The following MYO10 variants were observed in gnomAD, a reference collection of about 807,000 sequenced individuals.
MYO10 encodes myosin X, also known as unconventional myosin-X.
A neutral mutation model predicts 257.3 loss-of-function variants in MYO10; 133 were observed. The ratio of observed to expected loss-of-function variants is 0.52; its 90% confidence interval spans 0.45 to 0.60. The LOEUF is 0.60. Among genes scored for constraint, MYO10 ranks in the 20% least tolerant of loss-of-function variants. The probability of loss-of-function intolerance (pLI) is 0.00; values close to 1 mark genes in which losing one functional copy is unlikely to be tolerated. For missense variants in MYO10, 2,399 were observed against 2,635.7 expected (o/e 0.91, Z 1.97); for synonymous variants, 1,104 against 1,028.6 (o/e 1.07, Z -1.40).
chr5:16,869,733 C>T (rs1458707900), intron 2 of MYO10, among the ~76,000 whole-genome samples: 1 of 151,226 alleles, frequency 6.6e-6, no homozygotes, highest in Non-Finnish European at 1.5e-5. Flanking sequence ...GGCGTGCTGA[C>T]GCATGCCTCT....
intron 33 of MYO10, among the ~76,000 whole-genome samples, chr5:16,678,358 T>TC (rs1434657974): frequency 6.6e-6 from 1 of 152,034 alleles, no homozygotes; most frequent in Non-Finnish European, 1.5e-5. Flanking sequence ...GGTAGGCAGA[T>TC]CACCTGAGGT....
At chr5:16,919,710 T>C (rs13155144) in intron 1 of MYO10, among the ~76,000 whole-genome samples, 10,512 of 152,132 alleles carry the variant, frequency 0.069, 431 homozygotes, top group African/African-American at 0.11. Flanking sequence ...GGCGCAGTGG[T>C]TCACGCCTGT....
intron 2 of MYO10, among the ~76,000 whole-genome samples, chr5:16,866,732 A>C (rs1417148492): frequency 6.6e-6 from 1 of 152,236 alleles, no homozygotes. Context: ...TGTCCAGGCC[A>C]GCTGACTGAA....
chr5:16,803,145 G>T (rs572300026), intron 3 of MYO10, among the ~76,000 whole-genome samples: 7 of 151,810 alleles, frequency 4.6e-5, no homozygotes, highest in African/African-American at 1.7e-4. Flanking sequence ...TTAAAAAAAG[G>T]CCAGGCCTGA....
chr5:16,728,989 C>T (rs1328121670), intron 19 of MYO10, among the ~76,000 whole-genome samples: 1 of 152,124 alleles, frequency 6.6e-6, no homozygotes, highest in Non-Finnish European at 1.5e-5. Context: ...CTTTTAAGCA[C>T]AGCGTGGAAG....
At chr5:16,891,893 G>T (rs1289098866) in intron 1 of MYO10, among the ~76,000 whole-genome samples, 2 of 152,176 alleles carry the variant, frequency 1.3e-5, no homozygotes, top group African/African-American at 4.8e-5. Context: ...AAAACATCTA[G>T]AAAGCAGTTC....
intron 40 of MYO10, among the ~76,000 whole-genome samples, chr5:16,667,567 G>A (rs1736232812): frequency 6.6e-6 from 1 of 151,952 alleles, no homozygotes; most frequent in Non-Finnish European, 1.5e-5. Flanking sequence ...TGGGACCCTT[G>A]AGTCAAGGGC....
chr5:16,918,829 C>T (rs542261428), intron 1 of MYO10, among the ~76,000 whole-genome samples: 2 of 152,066 alleles, frequency 1.3e-5, no homozygotes, highest in Non-Finnish European at 2.9e-5. Flanking sequence ...AGCCCTCACT[C>T]GGAACAGGGA....
At chr5:16,722,506 G>A (rs923379804) in intron 19 of MYO10, among the ~76,000 whole-genome samples, 1 of 151,938 alleles carries the variant, frequency 6.6e-6, no homozygotes, top group Non-Finnish European at 1.5e-5. Flanking sequence ...AAATGAAAAC[G>A]TTTTTTTGCT....
chr5:16,876,834 C>T (rs112605859), intron 2 of MYO10, among the ~76,000 whole-genome samples: 7 of 152,224 alleles, frequency 4.6e-5, no homozygotes, highest in Admixed American at 1.3e-4. Flanking sequence ...GGATTACCGG[C>T]GTGAGCCACT....
intron 2 of MYO10, among the ~76,000 whole-genome samples, chr5:16,824,264 G>A (rs1446386553): frequency 1.3e-5 from 2 of 151,408 alleles, no homozygotes; most frequent in Non-Finnish European, 2.9e-5. Flanking sequence ...ACACTAGCTT[G>A]GCTTTTCTCC....
Position 16,699,436 on chromosome 5 carries a change from G to A in MYO10, c.3556+14C>T, listed in dbSNP as rs763568008. 1.4e-5 allele frequency: 23 copies of A among 1,612,632 alleles called. No individual in the cohort carries two copies. Among genetic ancestry groups the A allele is most frequent in the Admixed American group, 1.7e-5 (1 of 59,948 alleles). ...CTCCCCCTAACCCAGACTCCATGGC[G>A]GCTGCAGTCATACCTTTCATGTACA... On this transcript the variant is annotated intron_variant, in intron 26 of 40. Transcript: ENST00000513610.
At chr5:16,753,466 CT>C (rs143614063) in intron 19 of MYO10, among the ~76,000 whole-genome samples, 178 of 83,170 alleles carry the variant, frequency 2.1e-3, no homozygotes, top group African/African-American at 4.5e-3. Context: ...CGTGCCCGGC[CT>C]TTTTTTTTTT....
intron 1 of MYO10, among the ~76,000 whole-genome samples, chr5:16,898,998 G>A (rs1458667942): frequency 6.7e-6 from 1 of 148,856 alleles, no homozygotes; most frequent in African/African-American, 2.5e-5. Flanking sequence ...AGCTGGGCAT[G>A]GCGGTGGGTG....
intron 1 of MYO10, among the ~76,000 whole-genome samples, chr5:16,898,938 C>CGAGAA (rs1745297852): frequency 1.6e-5 from 1 of 62,644 alleles, no homozygotes. Flanking sequence ...CTGAGCCTGG[C>CGAGAA]CACCTGGCCA....
At chr5:16,934,054 T>G (rs928967387) in intron 1 of MYO10, among the ~76,000 whole-genome samples, 1 of 152,202 alleles carries the variant, frequency 6.6e-6, no homozygotes, top group African/African-American at 2.4e-5. Context: ...AGATCACTAA[T>G]GGCCAACTGC....
rs1385611007 is a variant in MYO10, at chr5:16,690,212, G to GT, written c.3801-294dup. Reference sequence around the variant, plus strand: ...ATGCATTTGCAACATACTAGCTATTGTAAGTAATCTAGAGACGATTTGAAG... The same window carrying GT: ...ATGCATTTGCAACATACTAGCTATTGTTAAGTAATCTAGAGACGATTTGAAG... On this transcript the variant is annotated intron_variant, in intron 27 of 40. Coordinates refer to ENST00000513610, the MANE Select transcript of MYO10 (RefSeq NM_012334.3). Among the ~76,000 whole-genome samples, 4 of 152,314 alleles carry GT rather than the reference G, an allele frequency of 2.6e-5. No homozygotes were observed. In the East Asian group the frequency reaches 7.7e-4, roughly 29 times the overall value.
chr5:16,820,969 CATCTT>C (rs1742782331), intron 2 of MYO10, among the ~76,000 whole-genome samples: 1 of 146,748 alleles, frequency 6.8e-6, no homozygotes, highest in Non-Finnish European at 1.5e-5. Context: ...ACATATAAAA[CATCTT>C]ATATATATTA....
Position 16,818,134 on chromosome 5 carries a change from G to T in MYO10, c.154C>A (p.Gln52Lys). 6.2e-7 allele frequency: 1 copy of T among 1,603,656 alleles called. No homozygotes were observed. The highest frequency in any genetic ancestry group is 8.5e-7 in the Non-Finnish European group (1 of 1,172,454). Residue 52 changes from glutamine to lysine, a missense_variant, in exon 3 of 41, where the codon CAG becomes AAG. Gln to Lys is a moderately conservative substitution (Grantham distance 53, BLOSUM62 1). Coordinates refer to ENST00000513610, the MANE Select transcript of MYO10 (RefSeq NM_012334.3). ...GTGGGGTGCATAGCAGTCACCTTCTGGTGGGTAATTGTGCTCTGCTTGTAA... is the reference window on the plus strand; with the variant it reads ...GTGGGGTGCATAGCAGTCACCTTCTTGTGGGTAATTGTGCTCTGCTTGTAA... ...FTYKQSTITH[Q>K]KVTAMHPTNE... is the part of the protein sequence containing the mutation.
Sources: allele counts gnomAD v4.1 joint callset (sites outside exome capture counted in the v4.1 genomes callset), GRCh38; gene constraint gnomAD v4.1.1; transcripts MANE v1.5; gene names NCBI Gene and HGNC (gene_info 2026-07-23, HGNC 2026-07-21).